The following TBC1D23 variants were observed in gnomAD, a reference collection of about 807,000 sequenced individuals.
The protein encoded by TBC1D23 is TBC1 domain family member 23.
In TBC1D23, 55 loss-of-function variants were observed where a neutral mutation model predicts 91.4. That is an observed-to-expected ratio of 0.60 (90% confidence interval 0.48 to 0.75). TBC1D23 has a LOEUF of 0.75. Ranked by LOEUF, TBC1D23 falls within the 30% of genes least tolerant of loss-of-function variation. The pLI, the probability that TBC1D23 is intolerant of heterozygous loss-of-function variation, is 0.00. For synonymous variants in TBC1D23, 289 were observed against 281.0 expected (o/e 1.03, Z -0.28); for missense variants, 725 against 836.1 (o/e 0.87, Z 1.64).
chr3:100,315,913 A>G lies in TBC1D23; in HGVS notation c.1599-186A>G, dbSNP rs145885830. 1.7e-3 allele frequency: 979 copies of G among 575,250 alleles called. 1 individual carries two copies. Among genetic ancestry groups the G allele is most frequent in the Non-Finnish European group, 2.6e-3 (824 of 323,104 alleles). The allele number at this position is 575,250 out of a possible 1,614,324, so 35.6% of individuals were successfully genotyped here. On this transcript the variant is annotated intron_variant, in intron 15 of 18. Transcript: ENST00000394144. ...AAGGCCTTATGCCACTTTTGCTAACATAATTTCTTTATCTTCTTTTAATTT... is the reference window on the plus strand; with the variant it reads ...AAGGCCTTATGCCACTTTTGCTAACGTAATTTCTTTATCTTCTTTTAATTT...
intron 16 of TBC1D23, 104 bp from the exon 17 acceptor site, chr3:100,318,965 A>T: frequency 1.4e-6 from 1 of 700,498 alleles, no homozygotes. Context: ...TTTGTTTTTC[A>T]ATCCATATCT....
intron 10 of TBC1D23, among the ~76,000 whole-genome samples, chr3:100,300,350 T>C (rs1482966761): frequency 1.3e-5 from 2 of 152,120 alleles, no homozygotes; most frequent in African/African-American, 4.8e-5. Flanking sequence ...GCCTAGGTAA[T>C]ATTGAGGAAG....
intron 18 of TBC1D23, 95 bp from the exon 19 acceptor site, chr3:100,323,492 T>TATCA: frequency 3.8e-6 from 2 of 530,052 alleles, no homozygotes. Flanking sequence ...GGAGGTGACC[T>TATCA]ATCAGCTGAG....
intron 10 of TBC1D23, 128 bp downstream of exon 10, chr3:100,299,459 A>C (rs931675981): frequency 1.7e-5 from 8 of 468,786 alleles, no homozygotes; most frequent in African/African-American, 1.4e-4. Context: ...TGCCCTTATG[A>C]GAAAAGTGTT....
At chr3:100,287,996 C>T (rs906140019) in intron 4 of TBC1D23, among the ~76,000 whole-genome samples, 2 of 152,006 alleles carry the variant, frequency 1.3e-5, no homozygotes, top group Non-Finnish European at 2.9e-5. Flanking sequence ...ATCCCAGCCA[C>T]TTTGGGAGGC....
In TBC1D23 at chr3:100,264,858, T is replaced by C. The variant is rs142593106; in HGVS notation, c.53+3787T>C. On this transcript the variant is annotated intron_variant, in intron 1 of 18. Transcript: ENST00000394144. ...TGCTTCTCAAAATTTAAACGTACATTGGAATTATCTGGGGAGCTTGTTAAA... is the reference window on the plus strand; with the variant it reads ...TGCTTCTCAAAATTTAAACGTACATCGGAATTATCTGGGGAGCTTGTTAAA... Among the ~76,000 whole-genome samples the C allele has an allele frequency of 4.7e-3, 712 of 152,294 alleles. 2 individuals are homozygous for C. The highest frequency in any genetic ancestry group is 6.4e-3 in the Non-Finnish European group (432 of 68,014).
rs940320420 is a variant in TBC1D23 at position 100,281,623 on chromosome 3, A to T, written c.166-119A>T. Reference sequence around the variant, plus strand: ...ATACTCAACATTTGGTGGAGTATGGATACCTTAATTGTAATCTTTGTTATT... The same window carrying T: ...ATACTCAACATTTGGTGGAGTATGGTTACCTTAATTGTAATCTTTGTTATT... On this transcript the variant is annotated intron_variant, in intron 2 of 18. Coordinates refer to ENST00000394144, the MANE Select transcript of TBC1D23 (RefSeq NM_001199198.3). The T allele has an allele frequency of 3.7e-5, 23 of 614,920 alleles. No individual in the cohort carries two copies. The African/African-American group carries it at 3.9e-4, about 10-fold the overall frequency. The allele number at this position is 614,920 out of a possible 1,614,324, so 38.1% of individuals were successfully genotyped here.
chr3:100,268,942 GTT>G (rs2067578980), intron 1 of TBC1D23, among the ~76,000 whole-genome samples: 1 of 152,084 alleles, frequency 6.6e-6, no homozygotes, highest in South Asian at 2.1e-4. Flanking sequence ...TATGAGAAAC[GTT>G]TTTTGTGTAT....
intron 17 of TBC1D23, 137 bp downstream of exon 17, chr3:100,319,341 T>C (rs777975199): frequency 8.4e-6 from 6 of 716,838 alleles, no homozygotes; most frequent in Non-Finnish European, 1.4e-5. Flanking sequence ...GTATTACAGG[T>C]CTTGAATTTA....
chr3:100,268,846 C>T (rs763639494), intron 1 of TBC1D23, among the ~76,000 whole-genome samples: 6 of 152,162 alleles, frequency 3.9e-5, no homozygotes, highest in Non-Finnish European at 7.4e-5. Flanking sequence ...TTAGAGTGCT[C>T]GCTGAAGTTG....
Position 100,323,606 on chromosome 3 carries a change from G to A in TBC1D23, c.2038G>A (p.Gly680Arg). The A allele has an allele frequency of 6.6e-7, 1 of 1,519,792 alleles. No homozygotes were observed. The allele number at this position is 1,519,792 out of a possible 1,614,324, so 94.1% of individuals were successfully genotyped here. ...CCTTAGGTATTTGATTCCAAATGCA[G>A]GGGATGCAACTAAAGCCATAAAACA... ...AIERYLIPNA[G>R]DATKAIKQQI... Residue 680 changes from glycine (G) to arginine (R), a missense_variant, in exon 19 of 19, where the codon GGG becomes AGG. Physicochemically the swap from Gly to Arg is moderately radical, Grantham distance 125. Coordinates refer to ENST00000394144, the MANE Select transcript of TBC1D23 (RefSeq NM_001199198.3).
At chr3:100,278,984 G>T (rs1161257771) in intron 1 of TBC1D23, among the ~76,000 whole-genome samples, 1 of 152,168 alleles carries the variant, frequency 6.6e-6, no homozygotes, top group African/African-American at 2.4e-5. Context: ...TCAGGCTGCA[G>T]TGTTTTGAAT....
chr3:100,266,531 AGT>A (rs2067559817), intron 1 of TBC1D23, among the ~76,000 whole-genome samples: 1 of 152,276 alleles, frequency 6.6e-6, no homozygotes, highest in African/African-American at 2.4e-5. Context: ...ACCCTACCAC[AGT>A]GTTGGGACTA....
At chr3:100,278,386 ATTTTTTT>A (rs199688288) in intron 1 of TBC1D23, among the ~76,000 whole-genome samples, 66 of 141,488 alleles carry the variant, frequency 4.7e-4, no homozygotes, top group African/African-American at 1.6e-3. Context: ...GAATTGATTG[ATTTTTTT>A]TTTTTTTTTT....
chr3:100,304,763 G>A (rs894964691), intron 11 of TBC1D23, 83 bp from the exon 12 acceptor site: 6 of 738,626 alleles, frequency 8.1e-6, no homozygotes, highest in African/African-American at 7.0e-5. Flanking sequence ...ACTTGGTATT[G>A]TATTTATCAG....
chr3:100,263,782 A>T (rs891638067), intron 1 of TBC1D23, among the ~76,000 whole-genome samples: 4 of 152,122 alleles, frequency 2.6e-5, no homozygotes, highest in African/African-American at 7.2e-5. Flanking sequence ...CCATGAGGGG[A>T]AATGTTTCCA....
chr3:100,272,185 T>C (rs2067605221), intron 1 of TBC1D23, among the ~76,000 whole-genome samples: 1 of 152,244 alleles, frequency 6.6e-6, no homozygotes, highest in African/African-American at 2.4e-5. Flanking sequence ...CAGCTATAAG[T>C]TGAACTTGTT....
chr3:100,295,096 C>G lies in TBC1D23; in HGVS notation c.610C>G (p.Leu204Val). 1 of 1,585,720 alleles carries G rather than the reference C, an allele frequency of 6.3e-7. No homozygotes were observed. The highest frequency in any genetic ancestry group is 8.5e-7 in the Non-Finnish European group (1 of 1,170,306). The part of the protein sequence containing the change: ...DSYALNWLGS[L>V]FACYCSTEVT... Reference sequence around the variant, plus strand: ...CATTTCCTGATTACAGCTTGGAAGTCTTTTTGCATGTTACTGTTCCACTGA... The same window carrying G: ...CATTTCCTGATTACAGCTTGGAAGTGTTTTTGCATGTTACTGTTCCACTGA... The change falls in exon 6 of 19, where the codon CTT (leucine) becomes GTT (valine). Residue 204 changes from leucine (L) to valine (V), a missense_variant. Physicochemically the swap from Leu to Val is conservative, Grantham distance 32 (BLOSUM62 1). Coordinates refer to ENST00000394144, the MANE Select transcript of TBC1D23 (RefSeq NM_001199198.3).
intron 15 of TBC1D23, among the ~76,000 whole-genome samples, chr3:100,315,226 T>C (rs571337048): frequency 1.4e-5 from 2 of 144,848 alleles, no homozygotes; most frequent in African/African-American, 5.1e-5. Context: ...GCAATGGCGC[T>C]ATCTTGGCTT....
Sources: allele counts gnomAD v4.1 joint callset (sites outside exome capture counted in the v4.1 genomes callset), GRCh38; gene constraint gnomAD v4.1.1; transcripts MANE v1.5; gene names NCBI Gene and HGNC (gene_info 2026-07-23, HGNC 2026-07-21).